The following FLT1 variants were observed in gnomAD, a reference collection of about 807,000 sequenced individuals.
FLT1 encodes the protein vascular endothelial growth factor receptor 1.
A neutral mutation model predicts 156.3 loss-of-function variants in FLT1; 49 were observed. The observed-to-expected ratio is 0.31, with a 90% confidence interval of 0.25 to 0.40. The LOEUF is 0.40. Among genes scored for constraint, FLT1 ranks in the 10% least tolerant of loss-of-function variants. FLT1 has a pLI of 1.00. For missense variants in FLT1, 1,322 were observed against 1,637.2 expected (o/e 0.81, Z 3.32); for synonymous variants, 594 against 583.8 (o/e 1.02, Z -0.25).
At chr13:28,305,014 G>A (rs1446499849) in intron 29 of FLT1, among the ~76,000 whole-genome samples, 1 of 152,138 alleles carries the variant, frequency 6.6e-6, no homozygotes, top group African/African-American at 2.4e-5. Context: ...TTTTGCTGTG[G>A]ACATCAGTTT....
chr13:28,377,587 T>C (rs1393018792), intron 14 of FLT1, among the ~76,000 whole-genome samples: 1 of 152,242 alleles, frequency 6.6e-6, no homozygotes, highest in African/African-American at 2.4e-5. Context: ...TTTTTGGTTC[T>C]TCAGATTTCA....
chr13:28,385,685 T>A, intron 13 of FLT1: 1 of 983,112 alleles, frequency 1.0e-6, no homozygotes, highest in Non-Finnish European at 1.2e-6. Flanking sequence ...AAATATTGTA[T>A]TTTATATTAT....
chr13:28,308,808 CG>C, intron 28 of FLT1, 34 bp downstream of exon 28: 1 of 1,260,488 alleles, frequency 7.9e-7, no homozygotes, highest in Non-Finnish European at 1.2e-6. Flanking sequence ...AGGGGTCTAT[CG>C]GGGTGCACTA....
chr13:28,453,454 G>T (rs1296185494), intron 3 of FLT1, among the ~76,000 whole-genome samples: 1 of 152,056 alleles, frequency 6.6e-6, no homozygotes, highest in African/African-American at 2.4e-5. Context: ...GTATCCCAAG[G>T]TTGGATACAT....
chr13:28,303,746 T>G (rs1016202237), intron 29 of FLT1, among the ~76,000 whole-genome samples: 2 of 152,078 alleles, frequency 1.3e-5, no homozygotes, highest in African/African-American at 4.8e-5. Flanking sequence ...ATATTCAAAT[T>G]TTTCATATTT....
rs2138831946 is a variant in FLT1, at chr13:28,322,790, C to T, written c.2953G>A (p.Asp985Asn). 6.2e-7 allele frequency: 1 copy of T among 1,613,422 alleles called. No homozygotes were observed. Among genetic ancestry groups the T allele is most frequent in the Non-Finnish European group, 8.5e-7 (1 of 1,179,772 alleles). The change falls in exon 21 of 30, where the codon GAT becomes AAT. Residue 985 changes from aspartate (D) to asparagine (N), a missense_variant and splice_region_variant. Physicochemically the swap from Asp to Asn is conservative, Grantham distance 23. Coordinates refer to ENST00000282397, the MANE Select transcript of FLT1 (RefSeq NM_002019.4). This position sits in a 1 kb window ranked among gnomAD's most constrained non-coding sequence, Gnocchi z 4.3. ...AGGACAGGAAGGAATTAATACCTAC[C>T]CTCCTCTTCCTCAACATCACTCAGA... The part of the protein sequence containing the change: ...KSLSDVEEEE[D>N]SDGFYKEPIT...
intron 14 of FLT1, among the ~76,000 whole-genome samples, chr13:28,378,048 ATCT>A (rs932586434): frequency 6.6e-6 from 1 of 150,812 alleles, no homozygotes; most frequent in African/African-American, 2.5e-5. Flanking sequence ...AAGAGACTTA[ATCT>A]TTTTTTTTTT....
chr13:28,381,431 T>A (rs1368005068), intron 14 of FLT1, among the ~76,000 whole-genome samples: 1 of 152,084 alleles, frequency 6.6e-6, no homozygotes, highest in Non-Finnish European at 1.5e-5. Context: ...TGGTGGCAGA[T>A]GTCTGTAATC....
intron 17 of FLT1, among the ~76,000 whole-genome samples, chr13:28,334,399 G>A (rs1024949675): frequency 1.3e-5 from 2 of 152,170 alleles, no homozygotes; most frequent in East Asian, 1.9e-4. Flanking sequence ...CCTTTCCACA[G>A]CGTTCTCCCG....
intron 10 of FLT1, among the ~76,000 whole-genome samples, chr13:28,410,707 G>A (rs1473653498): frequency 6.6e-6 from 1 of 152,180 alleles, no homozygotes; most frequent in Non-Finnish European, 1.5e-5. Context: ...ACTAAAGCTT[G>A]GGCTAGAAGC....
chr13:28,397,121 C>G, intron 11 of FLT1, 53 bp from the exon 12 acceptor site: 1 of 1,000,200 alleles, frequency 1.0e-6, no homozygotes, highest in Non-Finnish European at 1.6e-6. Context: ...ACTAATTGAA[C>G]ACCCCAAGCT....
At chr13:28,426,782 A>G (rs1375627330) in intron 10 of FLT1, among the ~76,000 whole-genome samples, 1 of 152,244 alleles carries the variant, frequency 6.6e-6, no homozygotes, top group Non-Finnish European at 1.5e-5. Context: ...ACCAAAGAAT[A>G]CAAAATGAAA....
At chr13:28,416,167 G>A (rs75831444) in intron 10 of FLT1, among the ~76,000 whole-genome samples, 3,876 of 152,278 alleles carry the variant, frequency 0.025, 161 homozygotes, top group African/African-American at 0.087. Context: ...TGTAGATGAG[G>A]AAACCCAGAC....
At chr13:28,463,567 C>A (rs150183256) in intron 3 of FLT1, among the ~76,000 whole-genome samples, 83 of 152,266 alleles carry the variant, frequency 5.5e-4, no homozygotes, top group African/African-American at 1.9e-3. Context: ...GGGCTGAAAT[C>A]CCCCAAACAT....
intron 3 of FLT1, among the ~76,000 whole-genome samples, chr13:28,454,688 T>C (rs1361061506): frequency 6.6e-6 from 1 of 152,038 alleles, no homozygotes; most frequent in Non-Finnish European, 1.5e-5. Flanking sequence ...GGTATACAGA[T>C]TGGAAAAGAA....
intron 10 of FLT1, among the ~76,000 whole-genome samples, chr13:28,412,919 G>A (rs913977086): frequency 9.9e-5 from 15 of 151,978 alleles, no homozygotes; most frequent in Admixed American, 2.6e-4. Context: ...AGAAAAAGGC[G>A]TAGCATTGGA....
chr13:28,359,456 A>G (rs1873028091), intron 14 of FLT1, among the ~76,000 whole-genome samples: 1 of 152,074 alleles, frequency 6.6e-6, no homozygotes, highest in Admixed American at 6.6e-5. Flanking sequence ...TGGGGGAAAA[A>G]CTCCACGATA....
chr13:28,399,173 G>A lies in FLT1; in HGVS notation c.1552-2105C>T, dbSNP rs115494832. ...ACTCTGACTCCCTTACATTGTCTCA[G>A]GAAGCTTAGACCCTTCAAAGCAGTA... On this transcript the variant is annotated intron_variant, in intron 11 of 29. Coordinates refer to ENST00000282397, the MANE Select transcript of FLT1 (RefSeq NM_002019.4). 2.6e-4 allele frequency: 335 copies of A among 1,309,380 alleles called. 2 individuals are homozygous for A. In the African/African-American group the frequency reaches 4.4e-3, roughly 17 times the overall value. 81.1% of individuals were successfully genotyped at this position (1,309,380 alleles called of 1,614,324 possible). A position where few individuals can be genotyped will look rare whatever the true frequency, so the allele number is the denominator to read the frequency against.
At position 28,421,438 on chromosome 13, in the gene FLT1, C is replaced by G. The variant is rs569096119; in HGVS notation, c.1436+5721G>C. Among the ~76,000 whole-genome samples the G allele has an allele frequency of 5.9e-5, 9 of 152,264 alleles. No individual in the cohort carries two copies. In the South Asian group the frequency reaches 1.5e-3, roughly 25 times the overall value. ...GCTAACTGGGCAGAGAATGAGCATG[C>G]CTTCATTTGTTTGGGCTGGATCGAG... is the stretch of plus-strand genomic sequence containing the variant. On this transcript the variant is annotated intron_variant, in intron 10 of 29. Coordinates refer to ENST00000282397, the MANE Select transcript of FLT1 (RefSeq NM_002019.4).
Sources: gnomAD v4.1 joint callset for allele counts (sites outside exome capture counted in the v4.1 genomes callset) on GRCh38, gnomAD v4.1.1 for gene constraint, Gnocchi (gnomAD v3.1) non-coding constraint, MANE v1.5 for transcripts, NCBI Gene and HGNC (gene_info 2026-07-23, HGNC 2026-07-21) for gene names.